The following PRELID2 variants were observed in gnomAD, a reference collection of about 807,000 sequenced individuals.
PRELID2 encodes the protein PRELI domain containing 2.
A neutral mutation model predicts 28.4 loss-of-function variants in PRELID2; 25 were observed. The observed-to-expected ratio is 0.88, with a 90% confidence interval of 0.64 to 1.23. The LOEUF (loss-of-function observed/expected upper bound fraction) is 1.23. Among genes scored for constraint, PRELID2 ranks in the 50% most tolerant of loss-of-function variants. The pLI, the probability that PRELID2 is intolerant of heterozygous loss-of-function variation, is 0.00. For synonymous variants in PRELID2, 76 were observed against 71.6 expected, an observed-to-expected ratio of 1.06 and a Z score of -0.31; for missense variants, 201 against 214.4, an observed-to-expected ratio of 0.94 and a Z score of 0.39.
chr5:145,835,333 G>T lies in PRELID2; in HGVS notation c.-82C>A. On this transcript the variant is annotated 5_prime_UTR_variant, in exon 1 of 7. Coordinates refer to ENST00000683046, the MANE Select transcript of PRELID2 (RefSeq NM_205846.3). ...CAGGGCTCCGCAGAGGCCCGGAGGC[G>T]CCCACACTCGGACAGCCACATGGGC... 1 of 887,620 alleles carries T rather than the reference G, an allele frequency of 1.1e-6. No homozygotes were observed. The highest frequency in any genetic ancestry group is 1.7e-6 in the Non-Finnish European group (1 of 578,388). 55.0% of individuals were successfully genotyped at this position (887,620 alleles called of 1,614,324 possible). A position where few individuals can be genotyped will look rare whatever the true frequency, so the allele number is the denominator to read the frequency against.
At chr5:145,239,850 G>A in the PRELID2 span, among the ~76,000 whole-genome samples, 1 of 152,016 alleles carries the variant, frequency 6.6e-6, no homozygotes, top group Non-Finnish European at 1.5e-5. Flanking sequence ...CTGGCAAAAT[G>A]AGAATGGTTT....
the PRELID2 span, among the ~76,000 whole-genome samples, chr5:145,348,237 C>T: frequency 6.6e-6 from 1 of 152,088 alleles, no homozygotes; most frequent in Non-Finnish European, 1.5e-5. Context: ...CCTACCATTT[C>T]CCTTATGCAG....
the PRELID2 span, among the ~76,000 whole-genome samples, chr5:145,404,365 T>C: frequency 6.6e-6 from 1 of 152,192 alleles, no homozygotes; most frequent in African/African-American, 2.4e-5. Flanking sequence ...TGGGATCAAA[T>C]AGAGACAGGG....
At chr5:145,647,115 C>T (rs537779183) in intron 1 of PRELID2, among the ~76,000 whole-genome samples, 1 of 152,314 alleles carries the variant, frequency 6.6e-6, no homozygotes, top group Admixed American at 6.5e-5. Context: ...AAGCTGCATC[C>T]ACAGCCACCC....
At position 145,512,585 on chromosome 5, in the gene PRELID2, G is replaced by A. The variant is rs191331997; in HGVS notation, n.71-39270C>T. 4.4e-4 allele frequency among the ~76,000 whole-genome samples: 67 copies of A among 152,194 alleles called. 1 individual carries two copies. Among genetic ancestry groups the A allele is most frequent in the Non-Finnish European group, 1.3e-4 (9 of 68,032 alleles). On this transcript the variant is annotated intron_variant and non_coding_transcript_variant, in intron 1 of 2. Coordinates refer to the PRELID2 transcript ENST00000510259. ...TCAGCAGACTTAAATGTTCTTGCCT[G>A]CCAGCTCTGAAGAGAGCAGCGGATG...
At chr5:145,644,400 T>C (rs1256003048) in intron 1 of PRELID2, among the ~76,000 whole-genome samples, 3 of 152,284 alleles carry the variant, frequency 2.0e-5, no homozygotes, top group East Asian at 1.9e-4. Context: ...GATTCTTCTC[T>C]CTTTTCTTCT....
the PRELID2 span, among the ~76,000 whole-genome samples, chr5:145,441,529 T>C: frequency 3.9e-5 from 6 of 152,250 alleles, no homozygotes; most frequent in East Asian, 7.8e-4. Context: ...ACCATTGTCA[T>C]CATTGAAATT....
chr5:145,827,497 G>A (rs757875741), intron 1 of PRELID2, among the ~76,000 whole-genome samples: 10 of 152,160 alleles, frequency 6.6e-5, no homozygotes, highest in Non-Finnish European at 1.2e-4. Flanking sequence ...CTGTGAGGTC[G>A]GGGTGATGAA....
intron 1 of PRELID2, among the ~76,000 whole-genome samples, chr5:145,614,476 G>T (rs571069931): frequency 6.6e-6 from 1 of 152,192 alleles, no homozygotes; most frequent in Non-Finnish European, 1.5e-5. Context: ...CCATTTGCTC[G>T]TGTTGTCTAT....
At chr5:145,370,934 T>C in the PRELID2 span, among the ~76,000 whole-genome samples, 6 of 152,106 alleles carry the variant, frequency 3.9e-5, no homozygotes, top group South Asian at 1.0e-3. Context: ...TGTTGGTGTA[T>C]AGGAATGCTT....
chr5:145,582,809 T>C (rs896056195), intron 1 of PRELID2, among the ~76,000 whole-genome samples: 5 of 151,848 alleles, frequency 3.3e-5, no homozygotes, highest in African/African-American at 1.2e-4. Flanking sequence ...AATAAATAGC[T>C]TACTAACCAA....
At chr5:145,300,840 T>C in the PRELID2 span, among the ~76,000 whole-genome samples, 2 of 151,888 alleles carry the variant, frequency 1.3e-5, no homozygotes, top group Non-Finnish European at 2.9e-5. Flanking sequence ...GTATTTATTG[T>C]TAAGGAAGTC....
intron 1 of PRELID2, among the ~76,000 whole-genome samples, chr5:145,686,866 A>G (rs1328421106): frequency 6.6e-6 from 1 of 152,218 alleles, no homozygotes; most frequent in East Asian, 1.9e-4. Context: ...TTTAATTTTA[A>G]TGCATTTTGT....
intron 1 of PRELID2, among the ~76,000 whole-genome samples, chr5:145,589,508 C>A (rs1028804776): frequency 6.6e-6 from 1 of 152,112 alleles, no homozygotes; most frequent in Non-Finnish European, 1.5e-5. Flanking sequence ...TAAGTCACAT[C>A]ACTTTCTTTG....
intron 1 of PRELID2, among the ~76,000 whole-genome samples, chr5:145,654,002 C>A (rs1056309167): frequency 6.6e-6 from 1 of 151,384 alleles, no homozygotes; most frequent in Non-Finnish European, 1.5e-5. Context: ...AGATCGCTAG[C>A]AAGACTAATA....
chr5:145,737,576 C>T (rs368845255), intron 1 of PRELID2, among the ~76,000 whole-genome samples: 1 of 152,128 alleles, frequency 6.6e-6, no homozygotes, highest in African/African-American at 2.4e-5. Flanking sequence ...AAGCTGGCAG[C>T]CTGAAAACAG....
chr5:145,630,048 A>G (rs7448346), intron 1 of PRELID2, among the ~76,000 whole-genome samples: 17,519 of 152,176 alleles, frequency 0.12, 1,344 homozygotes, highest in Admixed American at 0.2. Flanking sequence ...TTGAGGTCAA[A>G]GGGTAGACTT....
the PRELID2 span, among the ~76,000 whole-genome samples, chr5:145,465,896 A>G: frequency 2.0e-5 from 3 of 152,154 alleles, no homozygotes; most frequent in Admixed American, 2.0e-4. Context: ...TTCCTTTTCC[A>G]AAGTAAGATA....
intron 1 of PRELID2, among the ~76,000 whole-genome samples, chr5:145,580,287 T>C (rs1753096611): frequency 6.6e-6 from 1 of 152,042 alleles, no homozygotes; most frequent in Non-Finnish European, 1.5e-5. Flanking sequence ...GAGAGTTATA[T>C]GGTAAACAGA....
Sources: gnomAD v4.1 joint callset for allele counts (sites outside exome capture counted in the v4.1 genomes callset) on GRCh38, gnomAD v4.1.1 for gene constraint, MANE v1.5 for transcripts, NCBI Gene and HGNC (gene_info 2026-07-23, HGNC 2026-07-21) for gene names.